MELTF: variants seen among roughly 807,000 people sequenced by gnomAD.
The protein encoded by MELTF is melanotransferrin.
A neutral mutation model predicts 83.7 loss-of-function variants in MELTF; 67 were observed. The observed-to-expected ratio is 0.80, with a 90% confidence interval of 0.66 to 0.98. MELTF has a LOEUF of 0.98. Ranked by LOEUF, MELTF falls within the 50% of genes least tolerant of loss-of-function variation. The pLI is 0.00. For missense variants in MELTF, 1,002 were observed against 1,035.6 expected (o/e 0.97, Z 0.44); for synonymous variants, 462 against 447.6 (o/e 1.03, Z -0.41).
At position 197,004,036 on chromosome 3, in the gene MELTF, C is replaced by G; in HGVS notation, c.2002G>C (p.Gly668Arg). The change falls in exon 15 of 16, where the codon GGC becomes CGC. Residue 668 changes from glycine (G) to arginine (R), a missense_variant. By Grantham distance (125) the Gly-to-Arg change is moderately radical. Coordinates refer to ENST00000296350, the MANE Select transcript of MELTF (RefSeq NM_005929.6). ...FKMFDSSNYH[G>R]QDLLFKDATV... ...GCATCCTTGAAAAGCAGGTCTTGGC[C>G]ATGATAGTTGGAGGAGTCGAACATT... The G allele has an allele frequency of 6.2e-7, 1 of 1,614,164 alleles. No homozygotes were observed. Among genetic ancestry groups the G allele is most frequent in the Non-Finnish European group, 8.5e-7 (1 of 1,180,030 alleles).
intron 2 of MELTF, 84 bp from the exon 3 acceptor site, chr3:197,026,843 G>A: frequency 7.9e-7 from 1 of 1,266,186 alleles, no homozygotes; most frequent in South Asian, 1.2e-5. Context: ...ATGGCCTGGG[G>A]CCCCACCCCA....
chr3:197,008,103 T>TA lies in MELTF; in HGVS notation c.1750+553dup, dbSNP rs562553270. 4.4e-3 allele frequency among the ~76,000 whole-genome samples: 673 copies of TA among 152,290 alleles called. 7 individuals are homozygous for TA. Among genetic ancestry groups the TA allele is most frequent in the African/African-American group, 0.014 (597 of 41,558 alleles). ...GTGTGCTCTGATAGGACCATGTATG[T>TA]ACTGGGGTCCCGGAGCAGAGCGTTC... is the stretch of plus-strand genomic sequence containing the variant. On this transcript the variant is annotated intron_variant, in intron 13 of 15. Coordinates refer to ENST00000296350, the MANE Select transcript of MELTF (RefSeq NM_005929.6). The surrounding 1 kb of genome is among the most constrained non-coding windows in gnomAD (Gnocchi z 5.4).
chr3:197,023,944 G>A (rs893795166), intron 4 of MELTF: 37 of 505,740 alleles, frequency 7.3e-5, no homozygotes, highest in African/African-American at 6.4e-4. Context: ...CTGTAAAGCC[G>A]AGGACACATT....
chr3:197,023,300 G>T (rs1274533502), intron 4 of MELTF, among the ~76,000 whole-genome samples, 187 bp from the exon 5 acceptor site: 1 of 152,190 alleles, frequency 6.6e-6, no homozygotes, highest in South Asian at 2.1e-4. Context: ...GTCCACCAAG[G>T]CAGCAGACAG....
chr3:197,027,643 CGGCCGGGCCT>C, intron 2 of MELTF, 103 bp downstream of exon 2: 1 of 1,318,342 alleles, frequency 7.6e-7, no homozygotes. Flanking sequence ...GAGATCCTAT[CGGCCGGGCCT>C]GGCAGGGCGA....
intron 1 of MELTF, 108 bp from the exon 2 acceptor site, chr3:197,028,018 A>C (rs996064991): frequency 1.5e-6 from 2 of 1,321,196 alleles, no homozygotes; most frequent in South Asian, 2.8e-5. Context: ...CTGGACAGCC[A>C]GTCCTCTAGG....
chr3:197,017,843 C>T (rs921877278), intron 6 of MELTF, among the ~76,000 whole-genome samples: 1 of 152,162 alleles, frequency 6.6e-6, no homozygotes, highest in Non-Finnish European at 1.5e-5. Context: ...CGCCACTGCA[C>T]TCCAGCCTGG....
rs1718831134 is a variant in MELTF at position 197,003,377 on chromosome 3, G to A, written c.2212C>T (p.Leu738Phe). Residue 738 changes from leucine (L) to phenylalanine (F), a missense_variant, in exon 16 of 16, where the codon CTC (leucine) becomes TTC (phenylalanine). Coordinates refer to ENST00000296350, the MANE Select transcript of MELTF (RefSeq NM_005929.6). The surrounding 1 kb of genome is among the most constrained non-coding windows in gnomAD (Gnocchi z 6.2). ...ALAARLLPPA[L>F] ...CTGGGGCGGGGCGGCCGGGCTCAGA[G>A]GGCGGGCGGGAGCAGGCGGGCGGCG... The A allele has an allele frequency of 3.7e-6, 4 of 1,081,042 alleles. No homozygotes were observed. Among genetic ancestry groups the A allele is most frequent in the Non-Finnish European group, 4.5e-6 (4 of 892,710 alleles). 67.0% of individuals were successfully genotyped at this position (1,081,042 alleles called of 1,614,324 possible).
intron 7 of MELTF, 79 bp from the exon 8 acceptor site, chr3:197,016,448 T>G: frequency 1.5e-6 from 2 of 1,327,016 alleles, no homozygotes; most frequent in East Asian, 5.4e-5. Flanking sequence ...GGCCCCTACC[T>G]CCTTCTTCCC....
chr3:197,002,748 A>T lies in MELTF; in HGVS notation c.*624T>A, dbSNP rs2108947270. The T allele has an allele frequency of 6.6e-6, 1 of 152,202 alleles. No individual in the cohort carries two copies. The highest frequency in any genetic ancestry group is 2.1e-4 in the South Asian group (1 of 4,814). 9.4% of individuals were successfully genotyped at this position (152,202 alleles called of 1,614,324 possible). ...GGAGCTGGCGCGGCCACAGTGGGGG[A>T]CGAGGCAGGGCACGCGGCGTTCCCC... On this transcript the variant is annotated 3_prime_UTR_variant, in exon 16 of 16. Coordinates refer to ENST00000296350, the MANE Select transcript of MELTF (RefSeq NM_005929.6).
chr3:197,018,714 G>A (rs1344587782), intron 6 of MELTF, among the ~76,000 whole-genome samples: 1 of 152,174 alleles, frequency 6.6e-6, no homozygotes, highest in Non-Finnish European at 1.5e-5. Flanking sequence ...CAAAGTGCTG[G>A]GATTACAGGC....
In MELTF at chr3:197,003,180, CGCGCGGGCCCGGGGGCG is replaced by C. The variant is rs1453223435; in HGVS notation, c.*175_*191del. On this transcript the variant is annotated 3_prime_UTR_variant, in exon 16 of 16. Transcript: ENST00000296350. This position sits in a 1 kb window ranked among gnomAD's most constrained non-coding sequence, Gnocchi z 6.2. ...GGAGGCGGCGGTTGGCGGGAAGGGCCGCGCGGGCCCGGGGGCGGCGCCTCAGGTAGCAGCGCCAGGTG... is the reference window on the plus strand; with the variant it reads ...GGAGGCGGCGGTTGGCGGGAAGGGCCGCGCCTCAGGTAGCAGCGCCAGGTG... The C allele has an allele frequency of 5.7e-6, 3 of 529,136 alleles. No individual in the cohort carries two copies. Among genetic ancestry groups the C allele is most frequent in the Non-Finnish European group, 7.3e-6 (3 of 410,006 alleles). 32.8% of individuals were successfully genotyped at this position (529,136 alleles called of 1,614,324 possible).
chr3:197,010,241 C>T (rs915040479), intron 10 of MELTF, among the ~76,000 whole-genome samples: 2 of 152,192 alleles, frequency 1.3e-5, no homozygotes, highest in African/African-American at 4.8e-5. Context: ...GAGGCCAAAG[C>T]CCCAGCCCAG....
rs1719413574 is a variant in MELTF, at chr3:197,017,210, C to T, written c.793G>A (p.Val265Ile). 8.8e-6 allele frequency: 14 copies of T among 1,599,988 alleles called. No homozygotes were observed. Among genetic ancestry groups the T allele is most frequent in the Non-Finnish European group, 1.2e-5 (14 of 1,174,736 alleles). The change falls in exon 7 of 16, where the codon GTC (valine) becomes ATC (isoleucine). Residue 265 changes from valine (V) to isoleucine (I), a missense_variant. By Grantham distance (29) the Val-to-Ile change is conservative. Coordinates refer to ENST00000296350, the MANE Select transcript of MELTF (RefSeq NM_005929.6). ...LLCRDGSRADVTEWRQCHLAR... is the reference protein window; with the variant it reads ...LLCRDGSRADITEWRQCHLAR... ...AGATGGCACTGCCTCCACTCGGTGACATCGGCCCGGCTACCATCCCGGCAC... is the reference window on the plus strand; with the variant it reads ...AGATGGCACTGCCTCCACTCGGTGATATCGGCCCGGCTACCATCCCGGCAC...
chr3:197,012,699 C>T (rs564866481), intron 9 of MELTF, among the ~76,000 whole-genome samples: 99 of 152,378 alleles, frequency 6.5e-4, no homozygotes, highest in Non-Finnish European at 7.9e-4. Context: ...GACTGCAGGG[C>T]CACGGGGGCC....
At chr3:197,010,850 G>A (rs1438529330) in intron 9 of MELTF, 56 bp from the exon 10 acceptor site, 1 of 1,522,280 alleles carries the variant, frequency 6.6e-7, no homozygotes, top group Non-Finnish European at 9.1e-7. Flanking sequence ...GGCTCTGGAT[G>A]TCGGGGTCCT....
At position 197,003,849 on chromosome 3, in the gene MELTF, G is replaced by A. The variant is rs1241268485; in HGVS notation, c.2137+52C>T. ...CCCCCCGCTCCCTCAGGGTTCTGGG[G>A]TGAAGGGGTCTGAATAGCACCAGGG... On this transcript the variant is annotated intron_variant, in intron 15 of 15. Coordinates refer to ENST00000296350, the MANE Select transcript of MELTF (RefSeq NM_005929.6). The surrounding 1 kb of genome is among the most constrained non-coding windows in gnomAD (Gnocchi z 6.2). 1 of 1,580,320 alleles carries A rather than the reference G, an allele frequency of 6.3e-7. No individual in the cohort carries two copies. Among genetic ancestry groups the A allele is most frequent in the African/African-American group, 1.3e-5 (1 of 74,224 alleles).
Position 197,022,639 on chromosome 3 carries a change from C to G in MELTF, c.644+318G>C, listed in dbSNP as rs567135333. Among the ~76,000 whole-genome samples the G allele has an allele frequency of 2.0e-5, 3 of 152,304 alleles. No individual in the cohort carries two copies. In the East Asian group the frequency reaches 5.8e-4, roughly 29 times the overall value. Reference sequence around the variant, plus strand: ...AGGTGTCCAGACACACTCCCCTGACCCCGCTCCCTGCTGGTCTGAGAATGG... The same window carrying G: ...AGGTGTCCAGACACACTCCCCTGACGCCGCTCCCTGCTGGTCTGAGAATGG... On this transcript the variant is annotated intron_variant, in intron 5 of 15. Transcript: ENST00000296350. This position sits in a 1 kb window ranked among gnomAD's most constrained non-coding sequence, Gnocchi z 5.1.
intron 4 of MELTF, among the ~76,000 whole-genome samples, chr3:197,023,668 C>T (rs192006971): frequency 1.0e-3 from 157 of 152,194 alleles, no homozygotes; most frequent in African/African-American, 3.6e-3. Context: ...CTGAGCCAGT[C>T]GGGCCACGCT....
Sources: gnomAD v4.1 joint callset for allele counts (sites outside exome capture counted in the v4.1 genomes callset) on GRCh38, gnomAD v4.1.1 for gene constraint, Gnocchi (gnomAD v3.1) non-coding constraint, MANE v1.5 for transcripts, NCBI Gene and HGNC (gene_info 2026-07-23, HGNC 2026-07-21) for gene names.